RBM27: variants seen among roughly 807,000 people sequenced by gnomAD.
RBM27 encodes RNA-binding protein 27.
In RBM27, 22 loss-of-function variants were observed where a neutral mutation model predicts 135.3. The observed-to-expected ratio is 0.16, with a 90% CI of 0.12 to 0.23. The LOEUF (loss-of-function observed/expected upper bound fraction) is 0.23. RBM27 is among the 10% of genes least tolerant of loss of function. The pLI, the probability that RBM27 is intolerant of heterozygous loss-of-function variation, is 1.00. For synonymous variants in RBM27, 481 were observed against 442.4 expected (o/e 1.09, Z -1.10); for missense variants, 1,009 against 1,281.0 (o/e 0.79, Z 3.24).
intron 3 of RBM27, among the ~76,000 whole-genome samples, chr5:146,224,307 A>G (rs1756575016): frequency 1.3e-5 from 2 of 152,242 alleles, no homozygotes; most frequent in Admixed American, 1.3e-4. Flanking sequence ...TCATGCAGAA[A>G]TATTTCCCAG....
intron 7 of RBM27, among the ~76,000 whole-genome samples, chr5:146,236,810 G>C (rs757839262): frequency 6.6e-6 from 1 of 151,656 alleles, no homozygotes; most frequent in Admixed American, 6.6e-5. Context: ...TTTTAGTAGA[G>C]ATGGGGTTTC....
At chr5:146,248,713 G>A (rs900001647) in intron 8 of RBM27, among the ~76,000 whole-genome samples, 4 of 152,220 alleles carry the variant, frequency 2.6e-5, no homozygotes, top group Middle Eastern at 3.4e-3. Flanking sequence ...GGATCCACCC[G>A]CCTTGGCCTC....
Position 146,229,821 on chromosome 5 carries a change from G to A in RBM27, c.500G>A (p.Ser167Asn). 1.2e-6 allele frequency: 2 copies of A among 1,614,038 alleles called. No homozygotes were observed. Among genetic ancestry groups the A allele is most frequent in the African/African-American group, 1.3e-5 (1 of 75,036 alleles). The change falls in exon 5 of 21, where the codon AGT (serine) becomes AAT (asparagine). Residue 167 changes from serine to asparagine, a missense_variant. This residue lies in a region of RBM27 where 268 missense variants were observed against 326.6 expected (regional missense o/e 0.82). Transcript: ENST00000265271. ...REKYDWRRGR[S>N]KSRSKSRGLS... ...AAGTATGACTGGAGAAGAGGCAGGAGTAAGAGTCGGAGTAAGAGTCGAGGC... is the reference window on the plus strand; with the variant it reads ...AAGTATGACTGGAGAAGAGGCAGGAATAAGAGTCGGAGTAAGAGTCGAGGC...
At chr5:146,223,728 C>G (rs111940042) in intron 3 of RBM27, among the ~76,000 whole-genome samples, 2,973 of 152,112 alleles carry the variant, frequency 0.02, 107 homozygotes, top group African/African-American at 0.068. Context: ...GTTTAGAGAT[C>G]CAAGAAATAT....
intron 12 of RBM27, among the ~76,000 whole-genome samples, chr5:146,261,105 G>A (rs971965366): frequency 6.6e-6 from 1 of 152,186 alleles, no homozygotes; most frequent in African/African-American, 2.4e-5. Flanking sequence ...GTTCTTTTCT[G>A]CAATCTCTTC....
intron 19 of RBM27, among the ~76,000 whole-genome samples, chr5:146,277,517 ATTTT>A (rs371321141): frequency 8.0e-6 from 1 of 125,512 alleles, no homozygotes. Flanking sequence ...TACTGGGATA[ATTTT>A]TTTTTTTTTT....
chr5:146,260,654 A>G, intron 11 of RBM27, 91 bp from the exon 12 acceptor site: 1 of 1,206,880 alleles, frequency 8.3e-7, no homozygotes, highest in Non-Finnish European at 1.1e-6. Flanking sequence ...AGGCACTTAA[A>G]AAAATTATAA....
In RBM27 at chr5:146,250,834, TG is replaced by T. The variant is rs936995239; in HGVS notation, c.1280-875del. Among the ~76,000 whole-genome samples, 13 of 138,544 alleles carry T rather than the reference TG, an allele frequency of 9.4e-5. No individual in the cohort carries two copies. The Admixed American group carries it at 1.0e-3, about 11-fold the overall frequency. The allele number at this position is 138,544 out of a possible 152,430, so 90.9% of individuals were successfully genotyped here. ...CTCTGTCGCCTAGGTTGGAGTGCAG[TG>T]GCACGATCTTGGCTCACTGCAACCT... is the stretch of plus-strand genomic sequence containing the variant. On this transcript the variant is annotated intron_variant, in intron 8 of 20. Transcript: ENST00000265271.
intron 1 of RBM27, among the ~76,000 whole-genome samples, chr5:146,209,641 A>C (rs993102707): frequency 1.3e-5 from 2 of 152,168 alleles, no homozygotes; most frequent in African/African-American, 4.8e-5. Flanking sequence ...TGGGAGGAAA[A>C]ATAATTATCT....
chr5:146,240,763 A>G (rs2126787258), intron 8 of RBM27, among the ~76,000 whole-genome samples: 1 of 152,312 alleles, frequency 6.6e-6, no homozygotes, highest in Admixed American at 6.5e-5. Flanking sequence ...CAGAACGGAA[A>G]TCACATTTGA....
chr5:146,214,693 A>G (rs1756116689), intron 1 of RBM27, among the ~76,000 whole-genome samples: 1 of 152,234 alleles, frequency 6.6e-6, no homozygotes, highest in African/African-American at 2.4e-5. Context: ...AGTGTGAATT[A>G]TTCAATTAGT....
At chr5:146,224,556 T>C (rs978785449) in intron 3 of RBM27, among the ~76,000 whole-genome samples, 9 of 151,888 alleles carry the variant, frequency 5.9e-5, no homozygotes, top group Non-Finnish European at 1.3e-4. Context: ...GTGGCAGGCA[T>C]CTGTAATCCC....
At chr5:146,257,501 G>A (rs906065602) in intron 10 of RBM27, among the ~76,000 whole-genome samples, 2 of 152,152 alleles carry the variant, frequency 1.3e-5, no homozygotes, top group African/African-American at 4.8e-5. Context: ...CTTTGGGCAT[G>A]AATGCTCTCT....
intron 7 of RBM27, among the ~76,000 whole-genome samples, chr5:146,236,233 A>G (rs1343881802): frequency 2.0e-5 from 3 of 152,252 alleles, no homozygotes. Flanking sequence ...TATACTTACC[A>G]TCTAGGTTCT....
At chr5:146,241,081 A>G (rs1268806080) in intron 8 of RBM27, among the ~76,000 whole-genome samples, 1 of 152,164 alleles carries the variant, frequency 6.6e-6, no homozygotes, top group Non-Finnish European at 1.5e-5. Context: ...GGACTATTCC[A>G]GAGTGTGTTG....
rs1054276069 is a variant in RBM27, at chr5:146,287,916, T to G, written c.*1886T>G. On this transcript the variant is annotated 3_prime_UTR_variant, in exon 21 of 21. Coordinates refer to ENST00000265271, the MANE Select transcript of RBM27 (RefSeq NM_018989.2). ...TGAAATTTTTCTTGATGTCTGTGGC[T>G]CAGTCAGTATATATTTTGAAAGATT... is the stretch of plus-strand genomic sequence containing the variant. 3.3e-5 allele frequency: 5 copies of G among 152,114 alleles called. No homozygotes were observed. Among genetic ancestry groups the G allele is most frequent in the Non-Finnish European group, 7.4e-5 (5 of 67,974 alleles). The allele number at this position is 152,114 out of a possible 1,614,324, so 9.4% of individuals were successfully genotyped here.
chr5:146,238,233 G>C (rs1757253687), intron 8 of RBM27, among the ~76,000 whole-genome samples: 1 of 152,128 alleles, frequency 6.6e-6, no homozygotes, highest in Admixed American at 6.6e-5. Flanking sequence ...CTTGGGCCAG[G>C]CGCGGTGGCT....
In RBM27 at chr5:146,229,758, A is replaced by G. The variant is rs1264292583; in HGVS notation, c.437A>G (p.Tyr146Cys). ...AGAGAAGACGGGAAATGGAGAGACT[A>G]TGACCGGTACTATGAGCGGAATGAA... ...KKREDGKWRD[Y>C]DRYYERNELY... is the part of the protein sequence containing the mutation. Residue 146 changes from tyrosine (Y) to cysteine (C), a missense_variant, in exon 5 of 21, where the codon TAT (tyrosine) becomes TGT (cysteine). Tyr to Cys is a radical substitution (Grantham distance 194). Around this residue, in one of 6 missense-constraint regions of RBM27, gnomAD observed 268 missense variants for 326.6 expected, o/e 0.82. Transcript: ENST00000265271. 5.6e-6 allele frequency: 9 copies of G among 1,612,130 alleles called. No homozygotes were observed. The highest frequency in any genetic ancestry group is 2.2e-5 in the South Asian group (2 of 91,042).
chr5:146,231,275 T>C (rs1183057536), intron 6 of RBM27, among the ~76,000 whole-genome samples: 1 of 152,128 alleles, frequency 6.6e-6, no homozygotes, highest in East Asian at 1.9e-4. Flanking sequence ...TGGCTAACTT[T>C]TGTGTTTTTA....
Sources: allele counts gnomAD v4.1 joint callset (sites outside exome capture counted in the v4.1 genomes callset), GRCh38; gene constraint gnomAD v4.1.1; regional missense constraint gnomAD v4.1.1; transcripts MANE v1.5; gene names NCBI Gene and HGNC (gene_info 2026-07-23, HGNC 2026-07-21).